The following NEDD4L variants were observed in gnomAD, a reference collection of about 807,000 sequenced individuals.
The protein encoded by NEDD4L is E3 ubiquitin-protein ligase NEDD4-like.
A neutral mutation model predicts 148.9 loss-of-function variants in NEDD4L; 54 were observed. That is an observed-to-expected ratio of 0.36 (90% CI 0.29 to 0.45). The LOEUF is 0.45. Among genes scored for constraint, NEDD4L ranks in the 20% least tolerant of loss-of-function variants. The pLI, the probability that NEDD4L is intolerant of heterozygous loss-of-function variation, is 1.00. For missense variants in NEDD4L, 856 were observed against 1,233.8 expected, an observed-to-expected ratio of 0.69 and a Z score of 4.59; for synonymous variants, 433 against 440.7, an observed-to-expected ratio of 0.98 and a Z score of 0.22.
At chr18:58,176,062 C>T (rs1330821803) in intron 2 of NEDD4L, among the ~76,000 whole-genome samples, 1 of 152,166 alleles carries the variant, frequency 6.6e-6, no homozygotes, top group Non-Finnish European at 1.5e-5. Flanking sequence ...AAGACTGTGC[C>T]ATGTTCAGTA....
chr18:58,137,049 A>G (rs1254013860), intron 1 of NEDD4L, among the ~76,000 whole-genome samples: 1 of 152,240 alleles, frequency 6.6e-6, no homozygotes, highest in Non-Finnish European at 1.5e-5. Context: ...GGGTAATACG[A>G]TACGCAGTCT....
chr18:58,313,532 C>T (rs1055492204), intron 5 of NEDD4L, among the ~76,000 whole-genome samples: 15 of 152,208 alleles, frequency 9.9e-5, no homozygotes, highest in African/African-American at 3.4e-4. Flanking sequence ...GAGCTGGTAC[C>T]GCCTTGCTTT....
chr18:58,169,711 G>C (rs1401462251), intron 2 of NEDD4L, among the ~76,000 whole-genome samples: 1 of 152,222 alleles, frequency 6.6e-6, no homozygotes, highest in Non-Finnish European at 1.5e-5. Context: ...TCCCGTTTCT[G>C]CTGTCCCCTT....
At chr18:58,080,485 T>C (rs1298042484) in intron 1 of NEDD4L, among the ~76,000 whole-genome samples, 48 of 152,126 alleles carry the variant, frequency 3.2e-4, no homozygotes, top group Admixed American at 3.0e-3. Flanking sequence ...TCTGGAAAGG[T>C]GAGAGGCTAT....
intron 1 of NEDD4L, among the ~76,000 whole-genome samples, chr18:58,070,316 G>T (rs2082802697): frequency 6.6e-6 from 1 of 151,710 alleles, no homozygotes; most frequent in Admixed American, 6.6e-5. Flanking sequence ...CTAGCCTGGA[G>T]TGCAGTGGTG....
intron 1 of NEDD4L, among the ~76,000 whole-genome samples, chr18:58,115,033 G>A (rs2085697444): frequency 1.3e-5 from 2 of 152,002 alleles, no homozygotes. Flanking sequence ...CCCCTTTTCT[G>A]TGTAAGCTGA....
At chr18:58,268,625 G>A (rs1273934017) in intron 5 of NEDD4L, among the ~76,000 whole-genome samples, 2 of 152,064 alleles carry the variant, frequency 1.3e-5, no homozygotes, top group Non-Finnish European at 2.9e-5. Context: ...GAATAGAGAT[G>A]GGTAGCGGAG....
intron 30 of NEDD4L, among the ~76,000 whole-genome samples, chr18:58,391,762 G>T (rs1359342907): frequency 6.6e-6 from 1 of 152,158 alleles, no homozygotes; most frequent in African/African-American, 2.4e-5. Context: ...CACATAAAGG[G>T]CTCAGGCCTC....
intron 5 of NEDD4L, among the ~76,000 whole-genome samples, chr18:58,286,927 A>G (rs2053988407): frequency 6.6e-6 from 1 of 152,204 alleles, no homozygotes; most frequent in Non-Finnish European, 1.5e-5. Flanking sequence ...CCAGAAGGCC[A>G]AGGATATATG....
chr18:58,304,050 G>A (rs1369604351), intron 5 of NEDD4L, among the ~76,000 whole-genome samples: 1 of 152,014 alleles, frequency 6.6e-6, no homozygotes, highest in East Asian at 1.9e-4. Context: ...GCCTCCCAGG[G>A]ACGTTTGACA....
intron 5 of NEDD4L, among the ~76,000 whole-genome samples, chr18:58,294,106 A>G (rs538056613): frequency 1.1e-4 from 17 of 152,248 alleles, no homozygotes; most frequent in East Asian, 7.7e-4. Context: ...TTTTATACCA[A>G]CCTTTCACTT....
chr18:58,345,713 A>C (rs991326120), intron 16 of NEDD4L, among the ~76,000 whole-genome samples: 4 of 152,100 alleles, frequency 2.6e-5, no homozygotes, highest in African/African-American at 2.4e-5. Flanking sequence ...GTATTTGGAT[A>C]AAGTTTGGCC....
intron 14 of NEDD4L, 130 bp downstream of exon 14, chr18:58,341,299 A>G (rs2145170507): frequency 9.6e-7 from 1 of 1,039,282 alleles, no homozygotes; most frequent in Non-Finnish European, 1.4e-6. Flanking sequence ...TCACAAAGAA[A>G]ATGCATTACT....
chr18:58,362,400 G>A (rs1195543570), intron 19 of NEDD4L, among the ~76,000 whole-genome samples: 2 of 152,210 alleles, frequency 1.3e-5, no homozygotes, highest in African/African-American at 2.4e-5. Flanking sequence ...GAAGAGCTGA[G>A]TCACGTTTGT....
intron 9 of NEDD4L, among the ~76,000 whole-genome samples, chr18:58,327,395 C>A (rs1398387665): frequency 6.6e-6 from 1 of 152,194 alleles, no homozygotes; most frequent in Non-Finnish European, 1.5e-5. Flanking sequence ...CCACGCCCGG[C>A]TGAAAAATGC....
At chr18:58,353,441 T>G (rs983904158) in intron 18 of NEDD4L, among the ~76,000 whole-genome samples, 1 of 152,228 alleles carries the variant, frequency 6.6e-6, no homozygotes, top group African/African-American at 2.4e-5. Flanking sequence ...AGATATAGCA[T>G]AAATTAAGTG....
intron 23 of NEDD4L, among the ~76,000 whole-genome samples, chr18:58,370,797 G>A (rs768916520): frequency 2.0e-5 from 3 of 152,170 alleles, no homozygotes; most frequent in Non-Finnish European, 4.4e-5. Context: ...AACTGCTGCT[G>A]CTGAATGTTT....
At chr18:58,229,982 C>G (rs2044922733) in intron 2 of NEDD4L, among the ~76,000 whole-genome samples, 1 of 150,156 alleles carries the variant, frequency 6.7e-6, no homozygotes, top group Non-Finnish European at 1.5e-5. Flanking sequence ...GAGTGAGACT[C>G]TGTCTCAAAA....
chr18:58,200,938 TCTTATATATATTGATATTCA>T (rs894320277), intron 2 of NEDD4L, among the ~76,000 whole-genome samples: 15 of 152,252 alleles, frequency 9.9e-5, no homozygotes, highest in Non-Finnish European at 2.9e-5. Context: ...GTATCTTAGA[TCTTATATATATTGATATTCA>T]CTTTTGGTGG....
Sources: allele counts gnomAD v4.1 joint callset (sites outside exome capture counted in the v4.1 genomes callset), GRCh38; gene constraint gnomAD v4.1.1; transcripts MANE v1.5; gene names NCBI Gene and HGNC (gene_info 2026-07-23, HGNC 2026-07-21).